The following ANGPTL1 variants were observed in gnomAD, a reference collection of about 807,000 sequenced individuals.
ANGPTL1 encodes the protein angiopoietin-related protein 1.
Under a neutral mutation model 46.7 loss-of-function variants are expected in ANGPTL1, and 36 were observed. That is an observed-to-expected ratio of 0.77 (90% confidence interval 0.59 to 1.02). The LOEUF (loss-of-function observed/expected upper bound fraction) is 1.02. Ranked by LOEUF, ANGPTL1 falls within the 50% of genes least tolerant of loss-of-function variation. ANGPTL1 has a pLI of 0.00. For missense variants in ANGPTL1, 571 were observed against 594.7 expected (o/e 0.96, Z 0.41); for synonymous variants, 221 against 204.3 (o/e 1.08, Z -0.69).
intron 4 of ANGPTL1, among the ~76,000 whole-genome samples, 167 bp downstream of exon 4, chr1:178,853,427 T>G (rs1657312747): frequency 6.6e-6 from 1 of 152,140 alleles, no homozygotes; most frequent in South Asian, 2.1e-4. Flanking sequence ...AATTTTGACT[T>G]TAAAACCAGA....
rs113308902 is a variant in ANGPTL1, at chr1:178,864,057, A to T, written c.823+897T>A. Among the ~76,000 whole-genome samples, 194 of 152,264 alleles carry T rather than the reference A, an allele frequency of 1.3e-3. 2 individuals carry two copies. Among genetic ancestry groups the T allele is most frequent in the African/African-American group, 4.3e-3 (178 of 41,558 alleles). ...AAGGAAGCAAATCAGCTTGTAAAGGATTCTGGGGAATGAGTTGTGAGAAAA... is the reference window on the plus strand; with the variant it reads ...AAGGAAGCAAATCAGCTTGTAAAGGTTTCTGGGGAATGAGTTGTGAGAAAA... On this transcript the variant is annotated intron_variant, in intron 3 of 5. Coordinates refer to ENST00000234816, the MANE Select transcript of ANGPTL1 (RefSeq NM_004673.4).
Position 178,851,212 on chromosome 1 carries a change from G to T in ANGPTL1, c.1393C>A (p.Gln465Lys). ...TATTCGGCCCAGAAAATTCCATCTT[G>T]GTGCTTGCTTCTGTAATGGCCTCCT... The part of the protein sequence containing the change: ...YRGGHYRSKH[Q>K]DGIFWAEYRG... The change falls in exon 6 of 6, where the codon CAA (glutamine) becomes AAA (lysine). Residue 465 changes from glutamine to lysine, a missense_variant. By Grantham distance (53) the Gln-to-Lys change is moderately conservative. Transcript: ENST00000234816. 1 of 1,613,826 alleles carries T rather than the reference G, an allele frequency of 6.2e-7. No homozygotes were observed. The highest frequency in any genetic ancestry group is 8.5e-7 in the Non-Finnish European group (1 of 1,179,888).
In ANGPTL1 at chr1:178,850,623, A is replaced by C. The variant is rs1163557388; in HGVS notation, c.*506T>G. 1 of 152,362 alleles carries C rather than the reference A, an allele frequency of 6.6e-6. No individual in the cohort carries two copies. The highest frequency in any genetic ancestry group is 1.5e-5 in the Non-Finnish European group (1 of 68,196). The allele number at this position is 152,362 out of a possible 1,614,324, so 9.4% of individuals were successfully genotyped here. A position where few individuals can be genotyped will look rare whatever the true frequency, so the allele number is the denominator to read the frequency against. ...TAATCATTACGTGTGAAAGGCACAA[A>C]TTCAATTTGAAATAACTTTTATTCA... On this transcript the variant is annotated 3_prime_UTR_variant, in exon 6 of 6. Coordinates refer to ENST00000234816, the MANE Select transcript of ANGPTL1 (RefSeq NM_004673.4).
chr1:178,852,061 C>T (rs1657207749), intron 5 of ANGPTL1, among the ~76,000 whole-genome samples: 1 of 152,160 alleles, frequency 6.6e-6, no homozygotes, highest in Admixed American at 6.6e-5. Flanking sequence ...TGCCACATGT[C>T]ACAGTCATCT....
intron 2 of ANGPTL1, among the ~76,000 whole-genome samples, chr1:178,866,949 A>G (rs1658451646): frequency 6.6e-6 from 1 of 152,112 alleles, no homozygotes. Flanking sequence ...AGAATGGGTA[A>G]GGTATGTTCA....
intron 4 of ANGPTL1, chr1:178,853,330 A>G (rs1255969625): frequency 3.2e-6 from 2 of 629,450 alleles, no homozygotes; most frequent in Non-Finnish European, 4.0e-6. Context: ...TTTTCCTAAT[A>G]GTAATCTTTG....
chr1:178,862,438 A>C (rs184883003), intron 3 of ANGPTL1, among the ~76,000 whole-genome samples: 4 of 152,220 alleles, frequency 2.6e-5, no homozygotes, highest in African/African-American at 9.6e-5. Context: ...TCTTAGTTAG[A>C]TGTATTCTGA....
chr1:178,864,001 T>C lies in ANGPTL1; in HGVS notation c.823+953A>G, dbSNP rs1266902255. ...GAGCTGCAATTTATTTACTCGTTGC[T>C]TTGGGGCATTTGGGTTTTCCCTTCC... On this transcript the variant is annotated intron_variant, in intron 3 of 5. Transcript: ENST00000234816. Among the ~76,000 whole-genome samples, 6 of 152,214 alleles carry C rather than the reference T, an allele frequency of 3.9e-5. No individual in the cohort carries two copies. The East Asian group carries it at 1.2e-3, about 29-fold the overall frequency.
intron 1 of ANGPTL1, among the ~76,000 whole-genome samples, chr1:178,870,100 C>G (rs1658658014): frequency 1.3e-5 from 2 of 151,946 alleles, no homozygotes; most frequent in Non-Finnish European, 2.9e-5. Flanking sequence ...TTCTGTCATC[C>G]AAATTAAATT....
chr1:178,867,219 C>T (rs929999591), intron 2 of ANGPTL1, among the ~76,000 whole-genome samples: 1 of 152,066 alleles, frequency 6.6e-6, no homozygotes, highest in African/African-American at 2.4e-5. Context: ...TGTTTTAAGC[C>T]ATTTTCATGT....
chr1:178,854,574 A>G (rs1657403944), intron 3 of ANGPTL1, among the ~76,000 whole-genome samples: 1 of 152,146 alleles, frequency 6.6e-6, no homozygotes, highest in Non-Finnish European at 1.5e-5. Flanking sequence ...AAAGAGTTGT[A>G]TCAATCTGTA....
intron 3 of ANGPTL1, among the ~76,000 whole-genome samples, chr1:178,862,899 A>G (rs1022051768): frequency 2.0e-5 from 3 of 152,188 alleles, no homozygotes; most frequent in African/African-American, 7.2e-5. Flanking sequence ...ATGTAAATAT[A>G]TTTTGATGGA....
chr1:178,865,241 T>G lies in ANGPTL1; in HGVS notation c.536A>C (p.Tyr179Ser). The change falls in exon 3 of 6, where the codon TAC becomes TCC. Residue 179 changes from tyrosine to serine, a missense_variant. Coordinates refer to ENST00000234816, the MANE Select transcript of ANGPTL1 (RefSeq NM_004673.4). ...ATTGACAAGATCAGTCAAGGAAGCG[T>G]ATTTCACCTCTAGTTCCCTGTATCT... is the stretch of plus-strand genomic sequence containing the variant. ...ATRYRELEVK[Y>S]ASLTDLVNNQ... 1 of 1,614,116 alleles carries G rather than the reference T, an allele frequency of 6.2e-7. No individual in the cohort carries two copies. Among genetic ancestry groups the G allele is most frequent in the African/African-American group, 1.3e-5 (1 of 75,038 alleles).
chr1:178,856,341 CCTCAGCCTCCCAA>C (rs1266601547), intron 3 of ANGPTL1, among the ~76,000 whole-genome samples: 4 of 146,658 alleles, frequency 2.7e-5, no homozygotes, highest in African/African-American at 1.0e-4. Context: ...GATCCTCCCA[CCTCAGCCTCCCAA>C]GTAGCTAGGA....
intron 5 of ANGPTL1, among the ~76,000 whole-genome samples, chr1:178,851,541 A>G (rs2102291944): frequency 6.6e-6 from 1 of 151,542 alleles, no homozygotes; most frequent in Admixed American, 6.6e-5. Context: ...CTTACAATGT[A>G]CTTTTTTAAA....
chr1:178,861,547 T>C (rs1361288177), intron 3 of ANGPTL1, among the ~76,000 whole-genome samples: 1 of 152,076 alleles, frequency 6.6e-6, no homozygotes, highest in East Asian at 1.9e-4. Context: ...TGTCAGTGTT[T>C]AAAAATGTGA....
At chr1:178,856,851 A>G (rs1657620322) in intron 3 of ANGPTL1, among the ~76,000 whole-genome samples, 1 of 152,200 alleles carries the variant, frequency 6.6e-6, no homozygotes, top group African/African-American at 2.4e-5. Flanking sequence ...ATGTTCTGCA[A>G]ATTCATGCGT....
chr1:178,863,609 A>C (rs143361329), intron 3 of ANGPTL1, among the ~76,000 whole-genome samples: 19 of 152,316 alleles, frequency 1.2e-4, no homozygotes, highest in Non-Finnish European at 2.6e-4. Flanking sequence ...TAATGGTGAA[A>C]TATCCAAATG....
chr1:178,856,194 GAGAGAGAGATATATATATATATATATAT>G (rs145316534), intron 3 of ANGPTL1, among the ~76,000 whole-genome samples: 34,718 of 99,062 alleles, frequency 0.35, 5,367 homozygotes, highest in Non-Finnish European at 0.39. Flanking sequence ...CTTTTCCAGA[GAGAGAGAGATATATATATATATATATAT>G]ATATATATAT....
Sources: allele counts gnomAD v4.1 joint callset (sites outside exome capture counted in the v4.1 genomes callset), GRCh38; gene constraint gnomAD v4.1.1; transcripts MANE v1.5; gene names NCBI Gene and HGNC (gene_info 2026-07-23, HGNC 2026-07-21).